The following VWA3B variants were observed in gnomAD, a reference collection of about 807,000 sequenced individuals.
The protein encoded by VWA3B is von Willebrand factor A domain containing 3B, also known as von Willebrand factor A domain-containing protein 3B.
VWA3B carries 138 observed loss-of-function variants against 158.3 expected under a neutral mutation model. The observed-to-expected ratio is 0.87, with a 90% CI of 0.76 to 1.00. The LOEUF (loss-of-function observed/expected upper bound fraction) is 1.00, where lower values mean the gene tolerates loss of function less well. VWA3B is among the 50% of genes least tolerant of loss of function. The probability of loss-of-function intolerance (pLI) is 0.00; values close to 1 mark genes in which losing one functional copy is unlikely to be tolerated. For synonymous variants in VWA3B, 596 were observed against 587.3 expected, an observed-to-expected ratio of 1.01 and a Z score of -0.21; for missense variants, 1,555 against 1,565.1, an observed-to-expected ratio of 0.99 and a Z score of 0.11.
At chr2:98,322,448 T>C in the VWA3B span, among the ~76,000 whole-genome samples, 1 of 151,922 alleles carries the variant, frequency 6.6e-6, no homozygotes, top group Non-Finnish European at 1.5e-5. Context: ...ACAGTAAGAG[T>C]GAATCATAAA....
intron 19 of VWA3B, among the ~76,000 whole-genome samples, chr2:98,242,550 C>G (rs1345608045): frequency 1.3e-5 from 2 of 151,682 alleles, no homozygotes; most frequent in African/African-American, 4.9e-5. Flanking sequence ...TCATCATTGT[C>G]GTTATCATAA....
At chr2:98,218,849 AGC>A in intron 14 of VWA3B, among the ~76,000 whole-genome samples, 1 of 152,316 alleles carries the variant, frequency 6.6e-6, no homozygotes, top group Non-Finnish European at 1.5e-5. Context: ...CAGTGCTTTA[AGC>A]TCACAGAGGG....
intron 19 of VWA3B, among the ~76,000 whole-genome samples, chr2:98,240,827 G>A (rs1423623051): frequency 6.6e-6 from 1 of 152,092 alleles, no homozygotes; most frequent in Non-Finnish European, 1.5e-5. Context: ...CCTACTCTGA[G>A]GTTGTTATGG....
chr2:98,189,819 T>G lies in VWA3B; in HGVS notation c.1466+1690T>G, dbSNP rs140855645. 2.0e-5 allele frequency among the ~76,000 whole-genome samples: 3 copies of G among 152,320 alleles called. No homozygotes were observed. The East Asian group carries it at 5.8e-4, about 29-fold the overall frequency. On this transcript the variant is annotated intron_variant, in intron 10 of 27. Coordinates refer to ENST00000477737, the MANE Select transcript of VWA3B (RefSeq NM_144992.5). Reference sequence around the variant, plus strand: ...TTTTTGTAATTATGAAATGTCCCTTTTATATGTCTGGTAATATTCCTTGCT... The same window carrying G: ...TTTTTGTAATTATGAAATGTCCCTTGTATATGTCTGGTAATATTCCTTGCT...
chr2:98,145,539 T>C (rs1220677738), intron 7 of VWA3B, among the ~76,000 whole-genome samples: 3 of 152,242 alleles, frequency 2.0e-5, no homozygotes, highest in Non-Finnish European at 4.4e-5. Context: ...ACTCATTTTA[T>C]CTGTCTGGTG....
At chr2:98,327,253 A>G in the VWA3B span, among the ~76,000 whole-genome samples, 1 of 152,118 alleles carries the variant, frequency 6.6e-6, no homozygotes, top group Non-Finnish European at 1.5e-5. Flanking sequence ...AGATGATGAC[A>G]CTGCACTCCG....
At chr2:98,146,302 A>G (rs1035033383) in intron 7 of VWA3B, among the ~76,000 whole-genome samples, 5 of 152,124 alleles carry the variant, frequency 3.3e-5, no homozygotes, top group African/African-American at 9.7e-5. Flanking sequence ...ATCAGCTTCC[A>G]TTTATTGATC....
intron 14 of VWA3B, among the ~76,000 whole-genome samples, chr2:98,219,383 A>AG (rs1684294615): frequency 6.6e-6 from 1 of 152,372 alleles, no homozygotes; most frequent in African/African-American, 2.4e-5. Context: ...AGGCAGCAAT[A>AG]GAAACTATCC....
intron 7 of VWA3B, among the ~76,000 whole-genome samples, chr2:98,156,077 C>T (rs1210883132): frequency 6.6e-6 from 1 of 152,210 alleles, no homozygotes; most frequent in Non-Finnish European, 1.5e-5. Flanking sequence ...ACAAGCATTT[C>T]AGGGGCGTCT....
At chr2:98,242,275 C>T in intron 19 of VWA3B, 1 of 456,222 alleles carries the variant, frequency 2.2e-6, no homozygotes, top group Non-Finnish European at 4.4e-6. Context: ...GGACCAGCCT[C>T]AAATCGGTCA....
intron 22 of VWA3B, among the ~76,000 whole-genome samples, chr2:98,273,119 C>T (rs867076305): frequency 6.6e-6 from 1 of 152,194 alleles, no homozygotes; most frequent in Non-Finnish European, 1.5e-5. Context: ...CTTACTAAAT[C>T]CTAGATAATT....
chr2:98,118,704 G>C (rs1193976878), intron 3 of VWA3B, among the ~76,000 whole-genome samples: 1 of 152,092 alleles, frequency 6.6e-6, no homozygotes. Context: ...CCCTCCCTTT[G>C]TATGGGAGCT....
At chr2:98,231,465 C>G (rs1685329594) in intron 16 of VWA3B, among the ~76,000 whole-genome samples, 3 of 152,064 alleles carry the variant, frequency 2.0e-5, no homozygotes, top group Non-Finnish European at 2.9e-5. Flanking sequence ...CAAATATACC[C>G]AAATGATTTG....
downstream of VWA3B, among the ~76,000 whole-genome samples, chr2:98,316,498 G>T (rs533685172): frequency 1.2e-4 from 19 of 152,156 alleles, no homozygotes; most frequent in African/African-American, 4.1e-4. Flanking sequence ...CAAAAAAATT[G>T]CTGGGTGTGG....
chr2:98,243,598 T>C (rs1686215194), intron 19 of VWA3B, among the ~76,000 whole-genome samples: 1 of 152,148 alleles, frequency 6.6e-6, no homozygotes, highest in African/African-American at 2.4e-5. Context: ...TCTTCCAAAG[T>C]GCTGGGATTA....
chr2:98,264,212 T>C (rs1377990001), intron 21 of VWA3B, among the ~76,000 whole-genome samples: 3 of 152,008 alleles, frequency 2.0e-5, no homozygotes, highest in Non-Finnish European at 4.4e-5. Context: ...ATTTTTTTTC[T>C]ATTGTTTTTC....
chr2:98,193,681 C>T (rs184201325), intron 11 of VWA3B, among the ~76,000 whole-genome samples: 4 of 151,872 alleles, frequency 2.6e-5, no homozygotes, highest in East Asian at 1.9e-4. Context: ...CTGCAAGCTC[C>T]GCCTCCCGGG....
At chr2:98,182,167 G>A (rs558115797) in intron 9 of VWA3B, among the ~76,000 whole-genome samples, 1 of 152,324 alleles carries the variant, frequency 6.6e-6, no homozygotes, top group South Asian at 2.1e-4. Context: ...GAGACACCTG[G>A]GAAAGAAAAT....
intron 8 of VWA3B, among the ~76,000 whole-genome samples, chr2:98,168,376 T>TACACACACAC (rs148619678): frequency 1.9e-3 from 277 of 145,624 alleles, no homozygotes; most frequent in Admixed American, 2.7e-3. Flanking sequence ...TACACACACA[T>TACACACACAC]ACACACACAC....
Sources: gnomAD v4.1 joint callset for allele counts (sites outside exome capture counted in the v4.1 genomes callset) on GRCh38, gnomAD v4.1.1 for gene constraint, MANE v1.5 for transcripts, NCBI Gene and HGNC (gene_info 2026-07-23, HGNC 2026-07-21) for gene names.